LRRC9: variants seen among roughly 807,000 people sequenced by gnomAD.
LRRC9 encodes leucine rich repeat containing 9, also known as leucine-rich repeat-containing protein 9.
A neutral mutation model predicts 63.2 loss-of-function variants in LRRC9; 122 were observed. The observed-to-expected ratio is 1.93, with a 90% CI of 1.67 to 2.24. LRRC9 has a LOEUF of 2.24. Among genes scored for constraint, LRRC9 ranks in the 30% most tolerant of loss-of-function variants. The pLI is 0.00. For missense variants in LRRC9, 1,071 were observed against 627.7 expected, an observed-to-expected ratio of 1.71 and a Z score of -7.55; for synonymous variants, 366 against 213.1, an observed-to-expected ratio of 1.72 and a Z score of -6.25.
exon 16 of LRRC9, chr14:59,981,989 C>A (rs1474743749): frequency 1.4e-6 from 1 of 702,472 alleles, no homozygotes; most frequent in East Asian, 2.7e-5. Flanking sequence ...CAAGGCCCGA[C>A]CAAAACTGAT....
chr14:59,957,821 G>A (rs1041523703), intron 8 of LRRC9, among the ~76,000 whole-genome samples: 1 of 151,972 alleles, frequency 6.6e-6, no homozygotes, highest in Non-Finnish European at 1.5e-5. Context: ...TTTGTGTGGG[G>A]GTCCTTTATG....
intron 29 of LRRC9, among the ~76,000 whole-genome samples, chr14:60,032,370 C>T (rs1474814306): frequency 6.6e-6 from 1 of 152,004 alleles, no homozygotes; most frequent in Non-Finnish European, 1.5e-5. Flanking sequence ...GTAGAATAAG[C>T]ACCTTTAATT....
chr14:59,921,437 G>A (rs568948048), intron 1 of LRRC9, among the ~76,000 whole-genome samples: 4 of 152,252 alleles, frequency 2.6e-5, no homozygotes, highest in Admixed American at 6.5e-5. Flanking sequence ...AACCAAGGCA[G>A]AGGCAATTGG....
intron 7 of LRRC9, among the ~76,000 whole-genome samples, chr14:59,943,741 C>T (rs1460738134): frequency 6.6e-6 from 1 of 151,972 alleles, no homozygotes; most frequent in Non-Finnish European, 1.5e-5. Context: ...TGTTCCTATT[C>T]TGTCTTTTAT....
chr14:60,054,247 T>C (rs1344134748), intron 30 of LRRC9, among the ~76,000 whole-genome samples: 1 of 152,204 alleles, frequency 6.6e-6, no homozygotes, highest in Non-Finnish European at 1.5e-5. Flanking sequence ...AGTACATTCA[T>C]ATACTTATTA....
intron 29 of LRRC9, among the ~76,000 whole-genome samples, chr14:60,047,354 C>T (rs530567596): frequency 2.2e-4 from 34 of 152,020 alleles, no homozygotes; most frequent in African/African-American, 5.1e-4. Context: ...TGTCTTATGC[C>T]AGTTTTCAAG....
chr14:60,043,786 T>G (rs1393586984), intron 29 of LRRC9, among the ~76,000 whole-genome samples: 4 of 143,716 alleles, frequency 2.8e-5, no homozygotes, highest in African/African-American at 1.0e-4. Flanking sequence ...TTTGCCTTGC[T>G]TTGTTTTGGT....
Position 59,927,800 on chromosome 14 carries a change from A to T in LRRC9, c.-33-111A>T, listed in dbSNP as rs532575235. The T allele has an allele frequency of 1.0e-5, 5 of 488,450 alleles. No homozygotes were observed. Among genetic ancestry groups the T allele is most frequent in the African/African-American group, 2.0e-5 (1 of 50,114 alleles). The allele number at this position is 488,450 out of a possible 1,614,324, so 30.3% of individuals were successfully genotyped here. On this transcript the variant is annotated intron_variant, in intron 1 of 31. Transcript: ENST00000445360. This position sits in a 1 kb window ranked among gnomAD's most constrained non-coding sequence, Gnocchi z 4.4. ...CAGATACTTGGTAATATACTATGTG[A>T]AGATTTCAAACTACAGTTGGGTGGT...
chr14:59,974,836 T>C (rs1824677915), intron 13 of LRRC9, 128 bp downstream of exon 13: 1 of 472,746 alleles, frequency 2.1e-6, no homozygotes, highest in Non-Finnish European at 3.7e-6. Flanking sequence ...TTTTATTTCA[T>C]ATTTACCAGT....
At chr14:60,055,444 G>A (rs1894198877) in intron 30 of LRRC9, among the ~76,000 whole-genome samples, 1 of 152,096 alleles carries the variant, frequency 6.6e-6, no homozygotes, top group Non-Finnish European at 1.5e-5. Flanking sequence ...TATTCCCGAA[G>A]CAAGTCACTT....
intron 1 of LRRC9, among the ~76,000 whole-genome samples, chr14:59,925,255 A>C (rs889141190): frequency 1.3e-5 from 2 of 152,152 alleles, no homozygotes; most frequent in African/African-American, 4.8e-5. Flanking sequence ...AATACCTGAA[A>C]ATGGGCAATT....
chr14:59,974,592 A>G, exon 13 of LRRC9: 1 of 650,630 alleles, frequency 1.5e-6, no homozygotes, highest in Non-Finnish European at 2.7e-6. Context: ...CTCAAAAAAG[A>G]AGCCATCATT....
Position 59,958,339 on chromosome 14 carries a change from T to C in LRRC9, c.883-1479T>C, listed in dbSNP as rs1394955346. Among the ~76,000 whole-genome samples, 1 of 152,228 alleles carries C rather than the reference T, an allele frequency of 6.6e-6. No homozygotes were observed. Among genetic ancestry groups the C allele is most frequent in the African/African-American group, 2.4e-5 (1 of 41,478 alleles). On this transcript the variant is annotated intron_variant, in intron 8 of 31. Coordinates refer to ENST00000445360, the Ensembl canonical transcript of LRRC9. The surrounding 1 kb of genome is among the most constrained non-coding windows in gnomAD (Gnocchi z 4.0). ...TGTTACCTTTCCTTGAGAGATGCCC[T>C]GCCCAGTGAGGAGGAATCTAGAGAA...
chr14:59,931,502 G>T, intron 4 of LRRC9, 117 bp from the exon 5 acceptor site: 2 of 521,196 alleles, frequency 3.8e-6, no homozygotes, highest in Non-Finnish European at 6.7e-6. Context: ...TGTGCTTGTG[G>T]AGTACAAAGT....
At chr14:59,952,257 G>A (rs1425024278) in intron 8 of LRRC9, among the ~76,000 whole-genome samples, 4 of 152,152 alleles carry the variant, frequency 2.6e-5, no homozygotes, top group East Asian at 1.9e-4. Flanking sequence ...GGAGTGACCC[G>A]ATTTTCCAGG....
intron 8 of LRRC9, among the ~76,000 whole-genome samples, chr14:59,952,854 T>G (rs1278324163): frequency 6.6e-6 from 1 of 152,114 alleles, no homozygotes. Flanking sequence ...TTCCCCTCCC[T>G]GTGTCCAAGT....
intron 29 of LRRC9, among the ~76,000 whole-genome samples, chr14:60,034,027 T>C (rs1295749989): frequency 7.0e-6 from 1 of 143,864 alleles, no homozygotes; most frequent in African/African-American, 2.6e-5. Context: ...TTTTTTTTTT[T>C]TTTTTTTTTT....
At chr14:60,010,517 T>A (rs1464374122) in intron 23 of LRRC9, among the ~76,000 whole-genome samples, 1 of 152,168 alleles carries the variant, frequency 6.6e-6, no homozygotes, top group Non-Finnish European at 1.5e-5. Flanking sequence ...GCTGTGAAGG[T>A]CTCTGACATG....
intron 29 of LRRC9, among the ~76,000 whole-genome samples, chr14:60,040,749 GC>G (rs1293527059): frequency 6.6e-6 from 1 of 151,858 alleles, no homozygotes; most frequent in Non-Finnish European, 1.5e-5. Context: ...GGAGCATTTA[GC>G]CCATTTATAT....
Sources: gnomAD v4.1 joint callset for allele counts (sites outside exome capture counted in the v4.1 genomes callset) on GRCh38, gnomAD v4.1.1 for gene constraint, Gnocchi (gnomAD v3.1) non-coding constraint, MANE v1.5 for transcripts, NCBI Gene and HGNC (gene_info 2026-07-23, HGNC 2026-07-21) for gene names.